MCF2L2: variants seen among roughly 807,000 people sequenced by gnomAD.
The protein encoded by MCF2L2 is probable guanine nucleotide exchange factor MCF2L2.
Under a neutral mutation model 150.2 loss-of-function variants are expected in MCF2L2, and 102 were observed. The ratio of observed to expected loss-of-function variants is 0.68; its 90% CI spans 0.58 to 0.80. The LOEUF is 0.80. Among genes scored for constraint, MCF2L2 ranks in the 30% least tolerant of loss-of-function variants. The pLI, the probability that MCF2L2 is intolerant of heterozygous loss-of-function variation, is 0.00. For synonymous variants in MCF2L2, 465 were observed against 491.3 expected (o/e 0.95, Z 0.71); for missense variants, 1,256 against 1,372.8 (o/e 0.91, Z 1.34).
In MCF2L2 at chr3:183,286,010, C is replaced by T. The variant is rs11916729; in HGVS notation, c.1776+3110G>A. Among the ~76,000 whole-genome samples, 492 of 152,290 alleles carry T rather than the reference C, an allele frequency of 3.2e-3. 3 individuals are homozygous for T. Among genetic ancestry groups the T allele is most frequent in the Non-Finnish European group, 5.4e-3 (368 of 68,024 alleles). On this transcript the variant is annotated intron_variant, in intron 14 of 29. Coordinates refer to ENST00000328913, the MANE Select transcript of MCF2L2 (RefSeq NM_015078.4). ...AAGCACAGCGAATCGCTTCCACCACCGGGCTTTCCCAGATGACGTCAGTGA... is the reference window on the plus strand; with the variant it reads ...AAGCACAGCGAATCGCTTCCACCACTGGGCTTTCCCAGATGACGTCAGTGA...
In MCF2L2 at chr3:183,334,793, CAAAAAAA is replaced by C. The variant is rs576703262; in HGVS notation, c.486+4000_486+4006del. 6.8e-5 allele frequency among the ~76,000 whole-genome samples: 6 copies of C among 88,552 alleles called. No individual in the cohort carries two copies. In the East Asian group the frequency reaches 9.2e-4, roughly 14 times the overall value. The allele number at this position is 88,552 out of a possible 152,430, so 58.1% of individuals were successfully genotyped here. On this transcript the variant is annotated intron_variant, in intron 5 of 29. Coordinates refer to ENST00000328913, the MANE Select transcript of MCF2L2 (RefSeq NM_015078.4). ...GGGCGACAAGAGCAAAACTCCATTT[CAAAAAAA>C]AAAAAAAAAAAGACAAAGAAAGGGC...
rs571615304 is a variant in MCF2L2 at position 183,267,620 on chromosome 3, C to G, written c.1862+9252G>C. ...GGCTCAGCCTACACGGCTCTCTCCC[C>G]GTCAGTCCTGTCCAAAGCCCAGGAA... On this transcript the variant is annotated intron_variant, in intron 15 of 29. Coordinates refer to ENST00000328913, the MANE Select transcript of MCF2L2 (RefSeq NM_015078.4). The surrounding 1 kb of genome is among the most constrained non-coding windows in gnomAD (Gnocchi z 5.5). 6.6e-6 allele frequency among the ~76,000 whole-genome samples: 1 copy of G among 152,246 alleles called. No individual in the cohort carries two copies. Among genetic ancestry groups the G allele is most frequent in the Non-Finnish European group, 1.5e-5 (1 of 68,044 alleles).
intron 14 of MCF2L2, among the ~76,000 whole-genome samples, chr3:183,282,169 A>ATTTAT (rs569890962): frequency 0.014 from 2,074 of 150,390 alleles, 23 homozygotes; most frequent in Non-Finnish European, 0.02. Flanking sequence ...TATTATTATT[A>ATTTAT]TTTATTTTAT....
intron 7 of MCF2L2, among the ~76,000 whole-genome samples, chr3:183,317,656 C>G (rs973622849): frequency 6.6e-6 from 1 of 151,786 alleles, no homozygotes; most frequent in African/African-American, 2.4e-5. Context: ...AAAGCTTATA[C>G]TTCAAAAGCC....
intron 2 of MCF2L2, among the ~76,000 whole-genome samples, chr3:183,389,442 A>G (rs1714019578): frequency 6.6e-6 from 1 of 152,210 alleles, no homozygotes; most frequent in South Asian, 2.1e-4. Flanking sequence ...AAATCTTTTC[A>G]GCTCTGTTAT....
At chr3:183,219,737 C>A in intron 21 of MCF2L2, 119 bp downstream of exon 21, 1 of 649,770 alleles carries the variant, frequency 1.5e-6, no homozygotes, top group Non-Finnish European at 2.6e-6. Flanking sequence ...AGGATACATA[C>A]TATTTTAGAA....
At chr3:183,341,193 C>T (rs1015077772) in intron 4 of MCF2L2, among the ~76,000 whole-genome samples, 4 of 152,342 alleles carry the variant, frequency 2.6e-5, no homozygotes, top group African/African-American at 7.2e-5. Context: ...AATTGCCCCA[C>T]TGCGGATCTG....
chr3:183,405,179 A>T (rs1714979076), intron 1 of MCF2L2, among the ~76,000 whole-genome samples: 1 of 152,198 alleles, frequency 6.6e-6, no homozygotes, highest in Non-Finnish European at 1.5e-5. Flanking sequence ...TAAAAATGCC[A>T]AAGGAACAAA....
intron 3 of MCF2L2, among the ~76,000 whole-genome samples, chr3:183,356,429 T>C (rs1342094412): frequency 6.6e-6 from 1 of 152,062 alleles, no homozygotes; most frequent in Non-Finnish European, 1.5e-5. Flanking sequence ...AGGAGAATTG[T>C]TTGAACCCGG....
Position 183,224,109 on chromosome 3 carries a change from C to A in MCF2L2, c.2197G>T (p.Ala733Ser). The A allele has an allele frequency of 6.2e-7, 1 of 1,613,266 alleles. No homozygotes were observed. Among genetic ancestry groups the A allele is most frequent in the South Asian group, 1.1e-5 (1 of 91,060 alleles). Residue 733 changes from alanine (A) to serine (S), a missense_variant, in exon 19 of 30, where the codon GCC (alanine) becomes TCC (serine). Coordinates refer to ENST00000328913, the MANE Select transcript of MCF2L2 (RefSeq NM_015078.4). ...RAIWQECQDC[A>S]YFGVCQRQLD... Reference sequence around the variant, plus strand: ...CTTCTCAACATTACCCCAAAGTAGGCGCAGTCTTGACACTCTTGCCAGATT... The same window carrying A: ...CTTCTCAACATTACCCCAAAGTAGGAGCAGTCTTGACACTCTTGCCAGATT...
chr3:183,203,222 A>AAAAAAAG (rs1034726565), intron 25 of MCF2L2, among the ~76,000 whole-genome samples: 2 of 152,176 alleles, frequency 1.3e-5, no homozygotes, highest in African/African-American at 4.8e-5. Context: ...CAAAAAAGAA[A>AAAAAAAG]AAAAAAGAAA....
At chr3:183,229,526 A>G (rs1447557934) in intron 17 of MCF2L2, 140 bp downstream of exon 17, 1 of 481,996 alleles carries the variant, frequency 2.1e-6, no homozygotes, top group Non-Finnish European at 3.7e-6. Flanking sequence ...ACTCCAACCC[A>G]CCCCAATCCA....
intron 25 of MCF2L2, among the ~76,000 whole-genome samples, chr3:183,202,121 G>A (rs2108643111): frequency 6.6e-6 from 1 of 152,252 alleles, no homozygotes; most frequent in South Asian, 2.1e-4. Flanking sequence ...GGGAACTATG[G>A]AGCCTCATTC....
At chr3:183,252,794 T>C (rs1289268676) in intron 15 of MCF2L2, among the ~76,000 whole-genome samples, 2 of 152,224 alleles carry the variant, frequency 1.3e-5, no homozygotes, top group Non-Finnish European at 2.9e-5. Flanking sequence ...CTGAAATATG[T>C]ACAATAACAG....
At chr3:183,409,118 G>A (rs1182668369) in intron 1 of MCF2L2, among the ~76,000 whole-genome samples, 1 of 152,174 alleles carries the variant, frequency 6.6e-6, no homozygotes, top group African/African-American at 2.4e-5. Context: ...AGACTACAAA[G>A]TAAATCCTCT....
chr3:183,340,561 T>C (rs901825230), intron 4 of MCF2L2, among the ~76,000 whole-genome samples: 3 of 152,164 alleles, frequency 2.0e-5, no homozygotes, highest in Admixed American at 1.3e-4. Context: ...TCCAAGGTGA[T>C]ATAATTTAAT....
At chr3:183,249,245 G>A (rs1323682294) in intron 15 of MCF2L2, among the ~76,000 whole-genome samples, 1 of 152,206 alleles carries the variant, frequency 6.6e-6, no homozygotes, top group East Asian at 1.9e-4. Context: ...CCGGGAGTGT[G>A]GAGTGTGTGT....
At chr3:183,234,845 C>T (rs1333245455) in intron 15 of MCF2L2, among the ~76,000 whole-genome samples, 26 of 123,750 alleles carry the variant, frequency 2.1e-4, no homozygotes, top group Non-Finnish European at 3.8e-4. Flanking sequence ...TATCCCTCCC[C>T]TCTCCCCCGA....
intron 20 of MCF2L2, among the ~76,000 whole-genome samples, chr3:183,221,445 G>A (rs1160099208): frequency 6.6e-6 from 1 of 152,160 alleles, no homozygotes; most frequent in African/African-American, 2.4e-5. Context: ...ACGCAGCCTG[G>A]AAGGGTCAGA....
Sources: gnomAD v4.1 joint callset for allele counts (sites outside exome capture counted in the v4.1 genomes callset) on GRCh38, gnomAD v4.1.1 for gene constraint, Gnocchi (gnomAD v3.1) non-coding constraint, MANE v1.5 for transcripts, NCBI Gene and HGNC (gene_info 2026-07-23, HGNC 2026-07-21) for gene names.